Variants in TNRC18 observed in about 807,000 individuals in gnomAD.
TNRC18 encodes the protein trinucleotide repeat-containing gene 18 protein.
Under a neutral mutation model 226.7 loss-of-function variants are expected in TNRC18, and 69 were observed. The observed-to-expected ratio is 0.30, with a 90% CI of 0.25 to 0.37. The LOEUF is 0.37. TNRC18 is among the 10% of genes least tolerant of loss of function. TNRC18 has a pLI of 1.00. For missense variants in TNRC18, 4,754 were observed against 4,256.6 expected, an observed-to-expected ratio of 1.12 and a Z score of -3.25; for synonymous variants, 2,449 against 1,927.6, an observed-to-expected ratio of 1.27 and a Z score of -7.09.
At chr7:5,327,607 C>T (rs1193790988) in intron 19 of TNRC18, among the ~76,000 whole-genome samples, 1 of 151,276 alleles carries the variant, frequency 6.6e-6, no homozygotes, top group Non-Finnish European at 1.5e-5. Context: ...AAGGAAATGA[C>T]AGCAGAAAAA....
chr7:5,349,096 G>C (rs1791513408), intron 17 of TNRC18, among the ~76,000 whole-genome samples: 1 of 152,190 alleles, frequency 6.6e-6, no homozygotes, highest in South Asian at 2.1e-4. Flanking sequence ...GCGGGGGGAG[G>C]GCGAGCTCTG....
chr7:5,330,870 T>G (rs1193047069), intron 19 of TNRC18, among the ~76,000 whole-genome samples: 3 of 152,164 alleles, frequency 2.0e-5, no homozygotes, highest in Non-Finnish European at 1.5e-5. Context: ...AGACAGGATT[T>G]CGTCATGTTG....
At chr7:5,321,370 G>T (rs1035272796) in intron 21 of TNRC18, among the ~76,000 whole-genome samples, 180 bp from the exon 22 acceptor site, 2 of 152,158 alleles carry the variant, frequency 1.3e-5, no homozygotes, top group African/African-American at 2.4e-5. Context: ...AGACCTGTGT[G>T]TACCAGTGAG....
intron 2 of TNRC18, among the ~76,000 whole-genome samples, chr7:5,405,501 G>A (rs778771574): frequency 2.6e-5 from 4 of 151,400 alleles, no homozygotes; most frequent in African/African-American, 9.7e-5. Flanking sequence ...CCCGGGAGGC[G>A]GAGGTTGCAG....
intron 2 of TNRC18, among the ~76,000 whole-genome samples, chr7:5,416,230 C>T (rs577140646): frequency 6.6e-6 from 1 of 151,440 alleles, no homozygotes; most frequent in Non-Finnish European, 1.5e-5. Context: ...CCGGCTAACA[C>T]GGTGAAACCC....
chr7:5,360,512 G>A (rs527513173), intron 14 of TNRC18, among the ~76,000 whole-genome samples: 293 of 152,278 alleles, frequency 1.9e-3, no homozygotes, highest in African/African-American at 6.7e-3. Context: ...TTACAGGCGT[G>A]AGCCACCGTG....
chr7:5,332,400 T>A (rs1204331460), intron 19 of TNRC18, among the ~76,000 whole-genome samples: 1 of 152,186 alleles, frequency 6.6e-6, no homozygotes, highest in Admixed American at 6.5e-5. Flanking sequence ...GCCACTGCGC[T>A]CCAGCCTGGT....
At chr7:5,364,016 AGCCGGGT>A (rs1393050678) in intron 11 of TNRC18, among the ~76,000 whole-genome samples, 1 of 151,994 alleles carries the variant, frequency 6.6e-6, no homozygotes, top group African/African-American at 2.4e-5. Context: ...TATAAAAATA[AGCCGGGT>A]GCAGTGGCTC....
chr7:5,376,346 C>A (rs1251622699), intron 8 of TNRC18, 122 bp from the exon 9 acceptor site: 5 of 916,218 alleles, frequency 5.5e-6, no homozygotes, highest in Non-Finnish European at 7.8e-6. Flanking sequence ...GGGCTCTCTG[C>A]GGGCCCCCGG....
intron 18 of TNRC18, among the ~76,000 whole-genome samples, chr7:5,342,037 G>A (rs114840109): frequency 1.5e-4 from 23 of 152,292 alleles, no homozygotes; most frequent in African/African-American, 4.3e-4. Context: ...TTCAAGTCTC[G>A]TTATTTAAGG....
intron 18 of TNRC18, 72 bp from the exon 19 acceptor site, chr7:5,333,121 C>T: frequency 6.7e-7 from 1 of 1,496,098 alleles, no homozygotes. Flanking sequence ...GCCACATGGA[C>T]ACCATTCCTC....
At chr7:5,361,773 C>G in intron 13 of TNRC18, 51 bp from the exon 14 acceptor site, 5 of 1,544,882 alleles carry the variant, frequency 3.2e-6, no homozygotes, top group Non-Finnish European at 4.4e-6. Context: ...GGGCGGGGCG[C>G]GGAGAACGGG....
chr7:5,405,219 G>C (rs58082097), intron 2 of TNRC18, among the ~76,000 whole-genome samples: 4,030 of 152,212 alleles, frequency 0.026, 190 homozygotes, highest in African/African-American at 0.092. Flanking sequence ...CTTGGGCTCA[G>C]GATTTCAAGA....
chr7:5,342,406 G>A (rs970030967), intron 18 of TNRC18, among the ~76,000 whole-genome samples: 2 of 151,252 alleles, frequency 1.3e-5, no homozygotes, highest in African/African-American at 4.9e-5. Flanking sequence ...TCCAGCCTGG[G>A]CGACACAGCG....
At chr7:5,381,521 C>G (rs948452853) in intron 5 of TNRC18, among the ~76,000 whole-genome samples, 6 of 152,110 alleles carry the variant, frequency 3.9e-5, no homozygotes, top group Non-Finnish European at 8.8e-5. Flanking sequence ...CTATACACAG[C>G]TATTCTGCTT....
intron 2 of TNRC18, among the ~76,000 whole-genome samples, chr7:5,397,338 C>A (rs556520630): frequency 1.3e-5 from 2 of 152,228 alleles, no homozygotes; most frequent in African/African-American, 2.4e-5. Flanking sequence ...GCAGGCTGCA[C>A]GGAAGCCTAA....
At position 5,387,852 on chromosome 7, in the gene TNRC18, G is replaced by A. The variant is rs774832071; in HGVS notation, c.1972C>T (p.Pro658Ser). 2.5e-6 allele frequency: 4 copies of A among 1,593,124 alleles called. No individual in the cohort carries two copies. In the Admixed American group the frequency reaches 5.2e-5, roughly 21 times the overall value. Residue 658 changes from proline (P) to serine (S), a missense_variant, in exon 5 of 30, where the codon CCC (proline) becomes TCC (serine). Pro to Ser is a moderately conservative substitution (Grantham distance 74). Transcript: ENST00000430969. ...CGCCCGAAAGCTTTGGCGCTCTCGG[G>A]CCTCTCGGGGTCCCGCTTCAGCTGC... Reference protein sequence around the residue: ...GRQLKRDPERPESAKAFGREG... With the variant: ...GRQLKRDPERSESAKAFGREG...
chr7:5,323,755 T>G (rs1267674642), intron 21 of TNRC18, among the ~76,000 whole-genome samples: 1 of 151,868 alleles, frequency 6.6e-6, no homozygotes, highest in African/African-American at 2.4e-5. Context: ...TTCAGTAGAA[T>G]CAGGGTTTCA....
intron 2 of TNRC18, among the ~76,000 whole-genome samples, chr7:5,413,574 A>G (rs908758236): frequency 1.3e-5 from 2 of 152,192 alleles, no homozygotes; most frequent in Non-Finnish European, 2.9e-5. Flanking sequence ...TGCCCAGACC[A>G]CTGTGAGTGC....
Sources: allele counts gnomAD v4.1 joint callset (sites outside exome capture counted in the v4.1 genomes callset), GRCh38; gene constraint gnomAD v4.1.1; transcripts MANE v1.5; gene names NCBI Gene and HGNC (gene_info 2026-07-23, HGNC 2026-07-21).